PIP5K1B: variants seen among roughly 807,000 people sequenced by gnomAD.
PIP5K1B encodes the protein phosphatidylinositol 4-phosphate 5-kinase type-1 beta.
PIP5K1B carries 42 observed loss-of-function variants against 67.0 expected under a neutral mutation model. The observed-to-expected ratio is 0.63, with a 90% confidence interval of 0.49 to 0.81. The LOEUF is 0.81. Among genes scored for constraint, PIP5K1B ranks in the 30% least tolerant of loss-of-function variants. The probability of loss-of-function intolerance (pLI) is 0.00; values close to 1 mark genes in which losing one functional copy is unlikely to be tolerated. For missense variants in PIP5K1B, 459 were observed against 646.3 expected (o/e 0.71, Z 3.14); for synonymous variants, 214 against 231.4 (o/e 0.92, Z 0.68).
intron 15 of PIP5K1B, among the ~76,000 whole-genome samples, chr9:68,998,613 T>C (rs1231581544): frequency 6.6e-6 from 1 of 152,166 alleles, no homozygotes; most frequent in Admixed American, 6.5e-5. Context: ...AAGAACAGCC[T>C]GTAATGGTGT....
At chr9:68,849,363 T>A (rs1822361924) in intron 4 of PIP5K1B, among the ~76,000 whole-genome samples, 2 of 152,032 alleles carry the variant, frequency 1.3e-5, no homozygotes, top group Non-Finnish European at 2.9e-5. Context: ...AAAGTATGAA[T>A]AGTACAGTCT....
At chr9:68,943,486 TCAC>T (rs1237508312) in intron 14 of PIP5K1B, among the ~76,000 whole-genome samples, 1 of 152,144 alleles carries the variant, frequency 6.6e-6, no homozygotes, top group African/African-American at 2.4e-5. Flanking sequence ...CTGGCAAACT[TCAC>T]CAACAAACCA....
chr9:69,004,556 TACACCC>T (rs936705767), intron 15 of PIP5K1B, among the ~76,000 whole-genome samples: 8 of 152,228 alleles, frequency 5.3e-5, no homozygotes, highest in African/African-American at 1.7e-4. Flanking sequence ...TTTCAGTCTC[TACACCC>T]ATTCGGTCAG....
chr9:68,864,763 G>GAAAAATAAAA (rs146659151), intron 5 of PIP5K1B, among the ~76,000 whole-genome samples: 65,623 of 151,838 alleles, frequency 0.43, 14,407 homozygotes, highest in South Asian at 0.51. Flanking sequence ...TTTTTCAAAT[G>GAAAAATAAAA]ATCCAGAAAA....
At chr9:68,955,256 C>T (rs570834219) in intron 14 of PIP5K1B, among the ~76,000 whole-genome samples, 1 of 152,338 alleles carries the variant, frequency 6.6e-6, no homozygotes, top group South Asian at 2.1e-4. Context: ...ACCAAGAAGG[C>T]ATTCCAAAAG....
intron 5 of PIP5K1B, among the ~76,000 whole-genome samples, chr9:68,875,917 G>T (rs763926871): frequency 5.3e-5 from 8 of 152,150 alleles, no homozygotes; most frequent in Non-Finnish European, 1.0e-4. Context: ...CAACATTTAG[G>T]CCAGTGGATC....
At chr9:68,780,072 C>G in intron 2 of PIP5K1B, 4 of 1,424,206 alleles carry the variant, frequency 2.8e-6, no homozygotes, top group South Asian at 1.6e-5. Context: ...GACAGATTCT[C>G]GGTGGCGGCG....
intron 4 of PIP5K1B, chr9:68,824,332 G>C: frequency 2.0e-6 from 1 of 507,140 alleles, no homozygotes; most frequent in Non-Finnish European, 3.9e-6. Context: ...ACATCTCAGA[G>C]TTTGCTAAGT....
At chr9:68,800,399 T>G (rs1328129128) in intron 2 of PIP5K1B, among the ~76,000 whole-genome samples, 1 of 152,228 alleles carries the variant, frequency 6.6e-6, no homozygotes, top group African/African-American at 2.4e-5. Flanking sequence ...GTTAAATGGA[T>G]GAGTAATCCA....
chr9:68,744,149 GGCC>G (rs1391688342), intron 2 of PIP5K1B, among the ~76,000 whole-genome samples: 1 of 152,186 alleles, frequency 6.6e-6, no homozygotes, highest in African/African-American at 2.4e-5. Flanking sequence ...TGCATGGCCT[GGCC>G]AAGGATGGAC....
At chr9:68,770,373 C>T (rs1318272775) in intron 2 of PIP5K1B, among the ~76,000 whole-genome samples, 1 of 152,186 alleles carries the variant, frequency 6.6e-6, no homozygotes, top group Admixed American at 6.5e-5. Context: ...CCTCTCTTTT[C>T]CTGCCTTTTG....
chr9:68,780,864 G>A (rs1234560687), intron 2 of PIP5K1B: 7 of 1,614,232 alleles, frequency 4.3e-6, no homozygotes, highest in Admixed American at 1.7e-5. Flanking sequence ...ACAGCTGTCA[G>A]ATCCTGGTGT....
chr9:68,860,393 G>A (rs76042689), intron 4 of PIP5K1B, among the ~76,000 whole-genome samples: 18,882 of 152,118 alleles, frequency 0.12, 1,294 homozygotes, highest in Non-Finnish European at 0.16. Flanking sequence ...TTTGTTAATA[G>A]TCCCCATGTT....
intron 14 of PIP5K1B, among the ~76,000 whole-genome samples, chr9:68,955,983 T>A (rs1828369129): frequency 6.6e-6 from 1 of 152,188 alleles, no homozygotes; most frequent in African/African-American, 2.4e-5. Context: ...AAAAGGGACT[T>A]GCTTAGAAAC....
intron 2 of PIP5K1B, among the ~76,000 whole-genome samples, chr9:68,814,094 G>A (rs1224391813): frequency 6.6e-6 from 1 of 152,170 alleles, no homozygotes; most frequent in Non-Finnish European, 1.5e-5. Flanking sequence ...GTGCCACTCA[G>A]TCACAAGAGG....
intron 2 of PIP5K1B, among the ~76,000 whole-genome samples, chr9:68,743,396 G>T (rs1213659345): frequency 6.6e-6 from 1 of 151,924 alleles, no homozygotes; most frequent in Non-Finnish European, 1.5e-5. Context: ...TAAAGTTGGG[G>T]TTTCGCTATG....
chr9:68,905,050 A>G (rs1166497744), intron 8 of PIP5K1B, among the ~76,000 whole-genome samples: 2 of 152,128 alleles, frequency 1.3e-5, no homozygotes, highest in Admixed American at 6.6e-5. Context: ...GAACAATGTT[A>G]TATCTACTAC....
At chr9:68,709,407 A>G (rs540037913) in intron 1 of PIP5K1B, among the ~76,000 whole-genome samples, 6 of 152,104 alleles carry the variant, frequency 3.9e-5, no homozygotes, top group African/African-American at 1.4e-4. Context: ...TAATTTTTGT[A>G]TTTTTGGCAG....
intron 2 of PIP5K1B, chr9:68,789,074 A>T (rs1042903158): frequency 5.9e-6 from 3 of 508,368 alleles, no homozygotes; most frequent in Non-Finnish European, 1.1e-5. Flanking sequence ...CAGCAATTGT[A>T]GAACCTGATT....
Sources: allele counts gnomAD v4.1 joint callset (sites outside exome capture counted in the v4.1 genomes callset), GRCh38; gene constraint gnomAD v4.1.1; transcripts MANE v1.5; gene names NCBI Gene and HGNC (gene_info 2026-07-23, HGNC 2026-07-21).